The following ARAP2 variants were observed in gnomAD, a reference collection of about 807,000 sequenced individuals.
ARAP2 encodes the protein arf-GAP with Rho-GAP domain, ANK repeat and PH domain-containing protein 2.
ARAP2 carries 148 observed loss-of-function variants against 194.5 expected under a neutral mutation model. That is an observed-to-expected ratio of 0.76 (90% confidence interval 0.67 to 0.87). The LOEUF is 0.87. Ranked by LOEUF, ARAP2 falls within the 40% of genes least tolerant of loss-of-function variation. The pLI is 0.00. For missense variants in ARAP2, 2,128 were observed against 1,989.7 expected (o/e 1.07, Z -1.32); for synonymous variants, 695 against 683.5 (o/e 1.02, Z -0.26).
chr4:36,009,584 A>T (rs1714013472), intron 9 of ARAP2, among the ~76,000 whole-genome samples: 1 of 152,236 alleles, frequency 6.6e-6, no homozygotes, highest in South Asian at 2.1e-4. Flanking sequence ...ATTCACTCCA[A>T]ACCTCAACAT....
At chr4:36,150,286 A>C (rs903298203) in intron 16 of ARAP2, among the ~76,000 whole-genome samples, 8 of 152,184 alleles carry the variant, frequency 5.3e-5, no homozygotes, top group African/African-American at 1.9e-4. Context: ...CCACTAGTCC[A>C]CTATTTTAAA....
At chr4:36,230,852 C>G (rs1213275398) in intron 1 of ARAP2, among the ~76,000 whole-genome samples, 1 of 152,148 alleles carries the variant, frequency 6.6e-6, no homozygotes, top group Non-Finnish European at 1.5e-5. Flanking sequence ...GCTACGGCTT[C>G]AACTATTTTA....
intron 26 of ARAP2, among the ~76,000 whole-genome samples, chr4:36,111,992 G>T (rs544405472): frequency 1.3e-5 from 2 of 151,932 alleles, no homozygotes; most frequent in African/African-American, 4.8e-5. Context: ...AAATAGAAGC[G>T]TGTAGGAGAC....
chr4:36,053,316 T>C (rs1327644914), intron 2 of ARAP2, among the ~76,000 whole-genome samples: 4 of 151,272 alleles, frequency 2.6e-5, no homozygotes, highest in Admixed American at 6.6e-5. Flanking sequence ...GCATGCAGTT[T>C]TTTATAAAAA....
At chr4:36,110,136 C>G (rs1719522278) in intron 26 of ARAP2, among the ~76,000 whole-genome samples, 1 of 151,868 alleles carries the variant, frequency 6.6e-6, no homozygotes, top group Non-Finnish European at 1.5e-5. Context: ...CCAAACCTAT[C>G]TAACTTTAAA....
intron 1 of ARAP2, among the ~76,000 whole-genome samples, chr4:36,058,480 C>A (rs1723887557): frequency 6.6e-6 from 1 of 152,176 alleles, no homozygotes; most frequent in African/African-American, 2.4e-5. Context: ...TAAATTTATG[C>A]AGAAAAATAG....
downstream of ARAP2, among the ~76,000 whole-genome samples, chr4:36,062,259 T>A (rs1577699343): frequency 6.6e-6 from 1 of 152,198 alleles, no homozygotes; most frequent in East Asian, 1.9e-4. Context: ...ATGCACCATG[T>A]TGCTGCTGCT....
chr4:36,203,129 C>CT (rs1744768315), intron 6 of ARAP2, among the ~76,000 whole-genome samples: 1 of 152,160 alleles, frequency 6.6e-6, no homozygotes, highest in Non-Finnish European at 1.5e-5. Flanking sequence ...TCTCCACCTT[C>CT]ACTCAACATA....
chr4:36,202,198 T>C (rs1744505070), intron 6 of ARAP2, among the ~76,000 whole-genome samples: 1 of 152,156 alleles, frequency 6.6e-6, no homozygotes, highest in Non-Finnish European at 1.5e-5. Flanking sequence ...TAATTACTCA[T>C]TTTTATTCAG....
At chr4:36,032,086 T>C (rs1025949788) in intron 5 of ARAP2, among the ~76,000 whole-genome samples, 1 of 152,236 alleles carries the variant, frequency 6.6e-6, no homozygotes, top group African/African-American at 2.4e-5. Flanking sequence ...GAAGAAAGAC[T>C]GAACTTAACT....
chr4:36,228,764 T>TG lies in ARAP2; in HGVS notation c.722dup (p.Pro242ThrfsTer6). 1 of 1,614,122 alleles carries TG rather than the reference T, an allele frequency of 6.2e-7. No homozygotes were observed. The highest frequency in any genetic ancestry group is 8.5e-7 in the Non-Finnish European group (1 of 1,180,010). The stretch of plus-strand genomic sequence containing the variant: ...CTTGAAACTTAAAGAATGGGGATGG[T>TG]GGTGATCCTTCTAATAAACCATTTG... On this transcript the variant is annotated frameshift_variant, in exon 2 of 33. Coordinates refer to ENST00000303965, the MANE Select transcript of ARAP2 (RefSeq NM_015230.4). LOFTEE classifies it high-confidence loss of function.
At chr4:36,008,282 C>T (rs1416309500) in intron 9 of ARAP2, among the ~76,000 whole-genome samples, 2 of 152,084 alleles carry the variant, frequency 1.3e-5, no homozygotes, top group African/African-American at 4.8e-5. Flanking sequence ...CATTACCTGA[C>T]TTCAGCCTAT....
intron 2 of ARAP2, among the ~76,000 whole-genome samples, chr4:36,215,699 T>C (rs1218595341): frequency 6.6e-6 from 1 of 152,112 alleles, no homozygotes. Flanking sequence ...AATTTTAAAA[T>C]GGGTTAACCT....
In ARAP2 at chr4:36,229,270, C is replaced by T. The variant is rs1448644262; in HGVS notation, c.217G>A (p.Asp73Asn). 1.2e-6 allele frequency: 2 copies of T among 1,613,836 alleles called. No individual in the cohort carries two copies. The highest frequency in any genetic ancestry group is 1.7e-6 in the Non-Finnish European group (2 of 1,179,922). The change falls in exon 2 of 33, where the codon GAT (aspartate) becomes AAT (asparagine). Residue 73 changes from aspartate to asparagine, a missense_variant. By Grantham distance (23) the Asp-to-Asn change is conservative (BLOSUM62 1). Coordinates refer to ENST00000303965, the MANE Select transcript of ARAP2 (RefSeq NM_015230.4). ...TGAACATTTGCATATATTGGAATATCTTGCATTTTTGACAAGATTATCTGT... is the reference window on the plus strand; with the variant it reads ...TGAACATTTGCATATATTGGAATATTTTGCATTTTTGACAAGATTATCTGT... ...QLQIILSKMQ[D>N]IPIYANVHKT...
At chr4:36,214,174 T>C (rs1369597297) in intron 3 of ARAP2, among the ~76,000 whole-genome samples, 1 of 152,186 alleles carries the variant, frequency 6.6e-6, no homozygotes, top group Non-Finnish European at 1.5e-5. Flanking sequence ...TGGCTAATGA[T>C]AAATGAAGCT....
chr4:36,128,217 A>G (rs974213692), intron 21 of ARAP2, among the ~76,000 whole-genome samples: 2 of 152,018 alleles, frequency 1.3e-5, no homozygotes, highest in African/African-American at 4.8e-5. Context: ...AGAAATTAGT[A>G]GCACACATGG....
At chr4:36,205,449 TTAAAC>T (rs1324320985) in intron 6 of ARAP2, among the ~76,000 whole-genome samples, 2 of 152,180 alleles carry the variant, frequency 1.3e-5, no homozygotes, top group African/African-American at 4.8e-5. Context: ...TTTCTGACAT[TTAAAC>T]TATGTGCTTT....
At chr4:36,129,196 C>T (rs1007157858) in intron 20 of ARAP2, among the ~76,000 whole-genome samples, 2 of 151,876 alleles carry the variant, frequency 1.3e-5, no homozygotes, top group African/African-American at 4.8e-5. Flanking sequence ...AGTTGGGTTA[C>T]CTCTTTTTCA....
intron 1 of ARAP2, among the ~76,000 whole-genome samples, chr4:36,239,909 G>C (rs1335361492): frequency 7.9e-5 from 12 of 152,094 alleles, no homozygotes; most frequent in African/African-American, 1.2e-4. Context: ...AGTCTTACAA[G>C]TATGGTAACA....
Sources: allele counts gnomAD v4.1 joint callset (sites outside exome capture counted in the v4.1 genomes callset), GRCh38; gene constraint gnomAD v4.1.1; transcripts MANE v1.5; gene names NCBI Gene and HGNC (gene_info 2026-07-23, HGNC 2026-07-21).